Variants in WDFY3 observed in about 807,000 individuals in gnomAD.
WDFY3 encodes the protein WD repeat and FYVE domain containing 3, also known as WD repeat and FYVE domain-containing protein 3.
A neutral mutation model predicts 409.6 loss-of-function variants in WDFY3; 66 were observed. That is an observed-to-expected ratio of 0.16 (90% CI 0.13 to 0.20). The LOEUF is 0.20. Ranked by LOEUF, WDFY3 falls within the 10% of genes least tolerant of loss-of-function variation. The pLI is 1.00. For missense variants in WDFY3, 3,031 were observed against 4,298.1 expected, an observed-to-expected ratio of 0.71 and a Z score of 8.24; for synonymous variants, 1,521 against 1,537.1, an observed-to-expected ratio of 0.99 and a Z score of 0.25.
intron 5 of WDFY3, among the ~76,000 whole-genome samples, chr4:84,846,140 G>A (rs1368589756): frequency 6.6e-6 from 1 of 152,032 alleles, no homozygotes; most frequent in African/African-American, 2.4e-5. Flanking sequence ...CTTTCATGAG[G>A]AAGTAACACA....
intron 61 of WDFY3, among the ~76,000 whole-genome samples, chr4:84,689,718 C>T (rs545390808): frequency 1.6e-4 from 24 of 152,238 alleles, no homozygotes; most frequent in African/African-American, 5.1e-4. Flanking sequence ...ACCACTCTAA[C>T]CTGTGTCTTT....
At chr4:84,815,250 T>A (rs1183067851) in intron 13 of WDFY3, among the ~76,000 whole-genome samples, 1 of 152,144 alleles carries the variant, frequency 6.6e-6, no homozygotes, top group African/African-American at 2.4e-5. Flanking sequence ...ACTGCATAAA[T>A]AGTTCAAAGA....
chr4:84,906,131 T>C (rs1767008960), intron 2 of WDFY3, among the ~76,000 whole-genome samples: 1 of 152,206 alleles, frequency 6.6e-6, no homozygotes, highest in Non-Finnish European at 1.5e-5. Flanking sequence ...ATGCCTGTCA[T>C]GTAAATTTTT....
chr4:84,854,812 G>A (rs774167402), intron 4 of WDFY3, among the ~76,000 whole-genome samples: 3 of 152,208 alleles, frequency 2.0e-5, no homozygotes, highest in Non-Finnish European at 2.9e-5. Flanking sequence ...GGGAGGCTGA[G>A]GCATAAGAAT....
intron 2 of WDFY3, among the ~76,000 whole-genome samples, chr4:84,908,626 C>G (rs1179109284): frequency 5.3e-5 from 8 of 152,306 alleles, no homozygotes; most frequent in African/African-American, 1.4e-4. Flanking sequence ...TTACAACTGA[C>G]AAGCCCAACT....
intron 52 of WDFY3, 128 bp from the exon 53 acceptor site, chr4:84,709,156 T>C: frequency 7.1e-7 from 1 of 1,410,502 alleles, no homozygotes; most frequent in Admixed American, 2.3e-5. Context: ...AATGAAATAC[T>C]TTTTTTTCTA....
At chr4:84,939,766 A>G (rs1262194818) in intron 1 of WDFY3, among the ~76,000 whole-genome samples, 1 of 152,020 alleles carries the variant, frequency 6.6e-6, no homozygotes, top group African/African-American at 2.4e-5. Context: ...AAAATAATCC[A>G]GGCTCACATG....
intron 3 of WDFY3, among the ~76,000 whole-genome samples, chr4:84,881,052 T>C (rs1018148941): frequency 2.6e-5 from 4 of 152,016 alleles, no homozygotes; most frequent in African/African-American, 4.8e-5. Context: ...GCTTCTTCAA[T>C]TGTTTGTCAC....
At chr4:84,841,604 G>A (rs975167918) in intron 5 of WDFY3, among the ~76,000 whole-genome samples, 2 of 152,166 alleles carry the variant, frequency 1.3e-5, no homozygotes, top group Non-Finnish European at 2.9e-5. Context: ...GAGAAAATAA[G>A]AGCACAGCAA....
rs754142915 is a variant in WDFY3 at position 84,774,994 on chromosome 4, G to A, written c.4593-13C>T. 5 of 1,613,258 alleles carry A rather than the reference G, an allele frequency of 3.1e-6. No homozygotes were observed. The highest frequency in any genetic ancestry group is 4.2e-6 in the Non-Finnish European group (5 of 1,179,762). On this transcript the variant is annotated splice_polypyrimidine_tract_variant and intron_variant, in intron 28 of 67. Transcript: ENST00000295888. ...CTTTGAGGCTTCACTATAAGAGAAA[G>A]AAGATTTTATACACTGTACTATCAC...
intron 53 of WDFY3, among the ~76,000 whole-genome samples, chr4:84,707,660 T>A (rs1732191599): frequency 6.6e-6 from 1 of 152,218 alleles, no homozygotes; most frequent in East Asian, 1.9e-4. Flanking sequence ...CCACATTTCT[T>A]TTGGACTTCC....
chr4:84,717,274 T>G (rs1339202023), intron 48 of WDFY3, among the ~76,000 whole-genome samples: 1 of 152,196 alleles, frequency 6.6e-6, no homozygotes. Flanking sequence ...GTTAGCACAG[T>G]GCCTCAGCTC....
intron 5 of WDFY3, among the ~76,000 whole-genome samples, chr4:84,848,238 G>C (rs1378542476): frequency 3.3e-5 from 5 of 150,942 alleles, no homozygotes; most frequent in Non-Finnish European, 7.4e-5. Context: ...GACAAAGAGA[G>C]GATCCTAAAA....
chr4:84,918,803 TTGTG>T (rs199954395), intron 2 of WDFY3, among the ~76,000 whole-genome samples: 7 of 142,042 alleles, frequency 4.9e-5, no homozygotes, highest in African/African-American at 1.3e-4. Flanking sequence ...ATGCGCATAT[TTGTG>T]TGTGTGTGTA....
chr4:84,808,316 C>G lies in WDFY3; in HGVS notation c.2429+18G>C, dbSNP rs1482720366. ...ACCCCACACAAATAGAGACTGACTT[C>G]TCTTATATGATCAGTACCTTTTCCT... On this transcript the variant is annotated intron_variant, in intron 15 of 67. Transcript: ENST00000295888. 3.7e-6 allele frequency: 6 copies of G among 1,602,772 alleles called. No individual in the cohort carries two copies. Among genetic ancestry groups the G allele is most frequent in the Admixed American group, 3.4e-5 (2 of 59,686 alleles).
intron 24 of WDFY3, among the ~76,000 whole-genome samples, chr4:84,784,858 GTATATATATA>G (rs71670882): frequency 1.7e-3 from 153 of 89,004 alleles, no homozygotes; most frequent in African/African-American, 4.0e-3. Context: ...AAGTGTATAT[GTATATATATA>G]TATATATATA....
At chr4:84,796,811 A>G in intron 18 of WDFY3, 59 bp from the exon 19 acceptor site, 2 of 1,428,940 alleles carry the variant, frequency 1.4e-6, no homozygotes, top group Non-Finnish European at 1.9e-6. Context: ...ATAACTTTAC[A>G]AGGCTGATTT....
At chr4:84,760,386 C>T (rs1354447587) in intron 32 of WDFY3, among the ~76,000 whole-genome samples, 11 of 151,434 alleles carry the variant, frequency 7.3e-5, no homozygotes, top group South Asian at 4.2e-4. Context: ...ATGGTACCAG[C>T]TCCTCCTTGT....
chr4:84,721,355 T>A, intron 47 of WDFY3, 54 bp downstream of exon 47: 1 of 1,594,900 alleles, frequency 6.3e-7, no homozygotes, highest in Non-Finnish European at 8.5e-7. Flanking sequence ...TCATCTTGTC[T>A]TAATAATATG....
Sources: allele counts gnomAD v4.1 joint callset (sites outside exome capture counted in the v4.1 genomes callset), GRCh38; gene constraint gnomAD v4.1.1; transcripts MANE v1.5; gene names NCBI Gene and HGNC (gene_info 2026-07-23, HGNC 2026-07-21).